The following MAML3 variants were observed in gnomAD, a reference collection of about 807,000 sequenced individuals.
MAML3 encodes mastermind-like protein 3.
In MAML3, 27 loss-of-function variants were observed where a neutral mutation model predicts 101.9. The ratio of observed to expected loss-of-function variants is 0.27; its 90% CI spans 0.20 to 0.37. The LOEUF (loss-of-function observed/expected upper bound fraction) is 0.37. MAML3 is among the 10% of genes least tolerant of loss of function. The probability of loss-of-function intolerance (pLI) is 1.00; values close to 1 mark genes in which losing one functional copy is unlikely to be tolerated. For missense variants in MAML3, 1,316 were observed against 1,444.9 expected, an observed-to-expected ratio of 0.91 and a Z score of 1.45; for synonymous variants, 501 against 555.9, an observed-to-expected ratio of 0.90 and a Z score of 1.39.
intron 1 of MAML3, among the ~76,000 whole-genome samples, chr4:140,001,110 C>A (rs981933122): frequency 2.0e-5 from 3 of 152,322 alleles, no homozygotes; most frequent in South Asian, 4.1e-4. Context: ...AGAACCAAAT[C>A]TCAAACTATC....
At chr4:139,827,212 C>G (rs1444112144) in intron 2 of MAML3, among the ~76,000 whole-genome samples, 1 of 151,690 alleles carries the variant, frequency 6.6e-6, no homozygotes, top group African/African-American at 2.4e-5. Context: ...ATAAAGACAC[C>G]CAAAGAGTGA....
chr4:140,145,651 T>C (rs4863737), intron 1 of MAML3, among the ~76,000 whole-genome samples: 27,381 of 151,744 alleles, frequency 0.18, 2,688 homozygotes, highest in East Asian at 0.26. Flanking sequence ...CTGCAAACTC[T>C]GCCACCCTGG....
At chr4:139,983,692 C>G (rs1037891161) in intron 1 of MAML3, among the ~76,000 whole-genome samples, 3 of 152,074 alleles carry the variant, frequency 2.0e-5, no homozygotes, top group African/African-American at 4.8e-5. Context: ...TTGGGGTGCT[C>G]GATCTGTGCT....
chr4:140,114,726 T>C (rs999280038), intron 1 of MAML3, among the ~76,000 whole-genome samples: 1 of 152,212 alleles, frequency 6.6e-6, no homozygotes, highest in Admixed American at 6.5e-5. Flanking sequence ...TCTTGTTTCA[T>C]CCATACCCCA....
chr4:139,787,436 G>A (rs765324726), intron 2 of MAML3, among the ~76,000 whole-genome samples: 2 of 152,122 alleles, frequency 1.3e-5, no homozygotes, highest in African/African-American at 2.4e-5. Context: ...CCTGTTCTCT[G>A]TATCACACCT....
intron 2 of MAML3, among the ~76,000 whole-genome samples, chr4:139,856,330 T>C (rs926451961): frequency 6.6e-6 from 1 of 152,190 alleles, no homozygotes; most frequent in Non-Finnish European, 1.5e-5. Context: ...CGAATTCAAA[T>C]GGAGACAGAG....
At chr4:140,066,428 C>T (rs772881533) in intron 1 of MAML3, among the ~76,000 whole-genome samples, 17 of 152,198 alleles carry the variant, frequency 1.1e-4, no homozygotes, top group African/African-American at 4.8e-5. Flanking sequence ...GCTCTACTTG[C>T]TGTTCTTGAC....
intron 1 of MAML3, among the ~76,000 whole-genome samples, chr4:139,979,455 T>C (rs1177078778): frequency 2.6e-5 from 4 of 152,204 alleles, no homozygotes; most frequent in African/African-American, 9.6e-5. Flanking sequence ...TGTCCACATG[T>C]GTTCTCTAGT....
intron 1 of MAML3, among the ~76,000 whole-genome samples, chr4:140,150,764 G>C (rs1164812531): frequency 2.6e-5 from 4 of 152,162 alleles, no homozygotes; most frequent in African/African-American, 9.7e-5. Context: ...AGGGGGGCGG[G>C]GGCTGGGAGA....
At position 139,852,613 on chromosome 4, in the gene MAML3, C is replaced by T. The variant is rs547532842; in HGVS notation, c.2079+36744G>A. Among the ~76,000 whole-genome samples the T allele has an allele frequency of 9.9e-5, 15 of 152,000 alleles. No individual in the cohort carries two copies. In the South Asian group the frequency reaches 3.1e-3, roughly 32 times the overall value. ...GTAGTTTTGTAGAGACAGGGTTTCA[C>T]CATGTTGGCCAGGCTGATCTCGAAC... On this transcript the variant is annotated intron_variant, in intron 2 of 4. Transcript: ENST00000509479.
intron 2 of MAML3, among the ~76,000 whole-genome samples, chr4:139,887,902 A>G (rs760093387): frequency 1.3e-5 from 2 of 152,220 alleles, no homozygotes; most frequent in Non-Finnish European, 2.9e-5. Context: ...TATCTCCCCA[A>G]TGGTATATAT....
chr4:139,780,524 T>A (rs911326259), intron 2 of MAML3, among the ~76,000 whole-genome samples: 1 of 152,132 alleles, frequency 6.6e-6, no homozygotes, highest in African/African-American at 2.4e-5. Flanking sequence ...CCTTGTATTT[T>A]CCCCCTTTTC....
At position 139,752,201 on chromosome 4, in the gene MAML3, C is replaced by T. The variant is rs80181673; in HGVS notation, c.2080-21534G>A. ...TAAGACTCATAAATTTTAAGGCTCA[C>T]GTTACGTACTACTAGAAAGAAAGAA... On this transcript the variant is annotated intron_variant, in intron 2 of 4. Transcript: ENST00000509479. Among the ~76,000 whole-genome samples, 207 of 152,234 alleles carry T rather than the reference C, an allele frequency of 1.4e-3. 1 individual carries two copies. Among genetic ancestry groups the T allele is most frequent in the Middle Eastern group, 6.8e-3 (2 of 294 alleles).
At chr4:140,078,485 G>A (rs1436075634) in intron 1 of MAML3, among the ~76,000 whole-genome samples, 1 of 152,108 alleles carries the variant, frequency 6.6e-6, no homozygotes, top group South Asian at 2.1e-4. Context: ...GGTAATCAGA[G>A]AAGGCCACTC....
chr4:139,917,971 G>C (rs1177748379), intron 1 of MAML3, among the ~76,000 whole-genome samples: 1 of 152,102 alleles, frequency 6.6e-6, no homozygotes. Context: ...GGAATAATCA[G>C]ACTTTCTCTT....
intron 1 of MAML3, among the ~76,000 whole-genome samples, chr4:139,988,544 A>G (rs1179971412): frequency 1.3e-5 from 2 of 152,120 alleles, no homozygotes; most frequent in Non-Finnish European, 2.9e-5. Context: ...AGAGCACAGA[A>G]AAGTCTAAGT....
chr4:139,901,203 G>A (rs1314400355), intron 1 of MAML3, among the ~76,000 whole-genome samples: 23 of 152,192 alleles, frequency 1.5e-4, no homozygotes, highest in Admixed American at 1.5e-3. Flanking sequence ...ATGTCACTCT[G>A]CAAATTTAGC....
chr4:140,070,776 T>A (rs935776899), intron 1 of MAML3, among the ~76,000 whole-genome samples: 2 of 152,354 alleles, frequency 1.3e-5, no homozygotes, highest in East Asian at 1.9e-4. Flanking sequence ...GCTTATTATC[T>A]TTATTCGAAC....
intron 2 of MAML3, among the ~76,000 whole-genome samples, chr4:139,775,804 T>C (rs1730085285): frequency 6.6e-6 from 1 of 152,202 alleles, no homozygotes; most frequent in Admixed American, 6.5e-5. Context: ...GCCATCCTAT[T>C]TTTCTTTCTG....
Sources: gnomAD v4.1 joint callset for allele counts (sites outside exome capture counted in the v4.1 genomes callset) on GRCh38, gnomAD v4.1.1 for gene constraint, MANE v1.5 for transcripts, NCBI Gene and HGNC (gene_info 2026-07-23, HGNC 2026-07-21) for gene names.